The following CGGBP1 variants were observed in gnomAD, a reference collection of about 807,000 sequenced individuals.
CGGBP1 encodes CGG triplet repeat binding protein 1, also known as CGG triplet repeat-binding protein 1.
CGGBP1 carries 4 observed loss-of-function variants against 11.4 expected under a neutral mutation model. That is an observed-to-expected ratio of 0.35 (90% confidence interval 0.17 to 0.80). The LOEUF is 0.80. CGGBP1 is among the 30% of genes least tolerant of loss of function. CGGBP1 has a pLI of 0.52. For missense variants in CGGBP1, 135 were observed against 202.1 expected (o/e 0.67, Z 2.01); for synonymous variants, 76 against 74.1 (o/e 1.03, Z -0.13).
intron 2 of CGGBP1, among the ~76,000 whole-genome samples, chr3:88,081,728 A>C (rs971786997): frequency 1.3e-5 from 2 of 152,174 alleles, no homozygotes; most frequent in South Asian, 2.1e-4. Context: ...CTGGCACCAC[A>C]ACAAGTTCCA....
intron 2 of CGGBP1, chr3:88,086,427 A>C: frequency 6.9e-7 from 1 of 1,451,824 alleles, no homozygotes; most frequent in Non-Finnish European, 9.1e-7. Flanking sequence ...CTTCTTATAA[A>C]TGCATTATTT....
At chr3:88,140,058 G>C in intron 2 of CGGBP1, 1 of 1,613,750 alleles carries the variant, frequency 6.2e-7, no homozygotes, top group Non-Finnish European at 8.5e-7. Flanking sequence ...AAGGCAATTT[G>C]AAGATTCTCA....
At chr3:88,134,112 A>AAG (rs1310207348) in intron 2 of CGGBP1, among the ~76,000 whole-genome samples, 5 of 151,796 alleles carry the variant, frequency 3.3e-5, no homozygotes, top group Non-Finnish European at 4.4e-5. Context: ...TTAAAAAAAA[A>AAG]AAAGGTGGGG....
intron 2 of CGGBP1, chr3:88,129,565 A>T: frequency 1.3e-6 from 1 of 760,506 alleles, no homozygotes; most frequent in Non-Finnish European, 2.0e-6. Context: ...ACAAGTCATC[A>T]TTGTCTTTGT....
intron 2 of CGGBP1, chr3:88,129,938 A>G (rs1352366129): frequency 3.0e-6 from 3 of 1,014,134 alleles, no homozygotes; most frequent in Non-Finnish European, 2.6e-6. Context: ...ACTTTTAAAA[A>G]AAAATTGATT....
At chr3:88,109,773 T>C (rs1057265355) in intron 2 of CGGBP1, among the ~76,000 whole-genome samples, 20 of 152,164 alleles carry the variant, frequency 1.3e-4, no homozygotes, top group Non-Finnish European at 2.4e-4. Flanking sequence ...AAAATTTTTT[T>C]ATAAATGTAT....
intron 2 of CGGBP1, among the ~76,000 whole-genome samples, chr3:88,086,006 T>C (rs191458329): frequency 1.1e-3 from 172 of 152,310 alleles, no homozygotes; most frequent in African/African-American, 3.7e-3. Context: ...TTAACAAAAT[T>C]TGGTAAAACA....
intron 2 of CGGBP1, among the ~76,000 whole-genome samples, chr3:88,065,438 C>T (rs1707142369): frequency 6.6e-6 from 1 of 151,998 alleles, no homozygotes; most frequent in African/African-American, 2.4e-5. Flanking sequence ...TCCTATGTCC[C>T]TTTTCCCTAA....
In CGGBP1 at chr3:88,090,404, T is replaced by A. The variant is rs535845072; in HGVS notation, c.-228-32181A>T. 3.3e-5 allele frequency among the ~76,000 whole-genome samples: 5 copies of A among 152,040 alleles called. No homozygotes were observed. In the South Asian group the frequency reaches 8.3e-4, roughly 25 times the overall value. On this transcript the variant is annotated intron_variant, in intron 2 of 3. Transcript: ENST00000462901. ...AATGTAAAATACAAAAATGAAAAAA[T>A]TTTTAAAAATGGAAAAAATTTAAAG... is the stretch of plus-strand genomic sequence containing the variant.
chr3:88,143,053 A>T (rs1470244355), intron 1 of CGGBP1: 2 of 152,286 alleles, frequency 1.3e-5, no homozygotes, highest in African/African-American at 4.8e-5. Context: ...CTAATGTCCC[A>T]ATGTCAAATA....
At chr3:88,064,969 A>G (rs1365696985) in intron 2 of CGGBP1, among the ~76,000 whole-genome samples, 1 of 152,258 alleles carries the variant, frequency 6.6e-6, no homozygotes, top group Non-Finnish European at 1.5e-5. Context: ...TGTGGTGAAT[A>G]TCCAGAGCTA....
chr3:88,097,433 G>A (rs4402954), intron 2 of CGGBP1, among the ~76,000 whole-genome samples: 118,882 of 151,664 alleles, frequency 0.78, 47,498 homozygotes, highest in South Asian at 0.91. Context: ...TGAGACAGAA[G>A]GTTAACAAGG....
Position 88,053,143 on chromosome 3 carries a change from C to A in CGGBP1, c.*2330G>T, listed in dbSNP as rs11128020. The A allele has an allele frequency of 0.057, 8,698 of 152,414 alleles. 277 individuals carry two copies. The highest frequency in any genetic ancestry group is 0.078 in the Admixed American group (1,200 of 15,294). The allele number at this position is 152,414 out of a possible 1,614,324, so 9.4% of individuals were successfully genotyped here. A position where few individuals can be genotyped will look rare whatever the true frequency, so the allele number is the denominator to read the frequency against. On this transcript the variant is annotated 3_prime_UTR_variant, in exon 4 of 4. Transcript: ENST00000482016. ...CACTACACCTCCAAAGCAGCATATG[C>A]CTCTTAGACATCCTCATTTGTTATC... is the stretch of plus-strand genomic sequence containing the variant.
At chr3:88,128,880 C>T (rs1199570996) in intron 2 of CGGBP1, 38 of 1,535,298 alleles carry the variant, frequency 2.5e-5, no homozygotes, top group Non-Finnish European at 3.3e-5. Flanking sequence ...TGCTTGTGAA[C>T]GCATACCCGA....
chr3:88,073,802 A>C (rs1386262144), intron 2 of CGGBP1, among the ~76,000 whole-genome samples: 2 of 152,216 alleles, frequency 1.3e-5, no homozygotes, highest in Non-Finnish European at 2.9e-5. Context: ...TACAATGTAC[A>C]TTTTTATTAA....
chr3:88,118,601 T>C (rs914621928), intron 2 of CGGBP1, among the ~76,000 whole-genome samples: 1 of 152,170 alleles, frequency 6.6e-6, no homozygotes, highest in African/African-American at 2.4e-5. Flanking sequence ...CTAGAGTACT[T>C]GGAATAAGTT....
At chr3:88,139,904 C>CT (rs1707015196) in intron 2 of CGGBP1, 1 of 1,613,166 alleles carries the variant, frequency 6.2e-7, no homozygotes, top group African/African-American at 1.3e-5. Context: ...AAGAAGGAAA[C>CT]TTTAAGTGTC....
rs145805553 is a variant in CGGBP1 at position 88,071,247 on chromosome 3, C to T, written c.-228-13024G>A. Among the ~76,000 whole-genome samples, 492 of 152,236 alleles carry T rather than the reference C, an allele frequency of 3.2e-3. 4 individuals are homozygous for T. Among genetic ancestry groups the T allele is most frequent in the African/African-American group, 0.011 (460 of 41,538 alleles). On this transcript the variant is annotated intron_variant, in intron 2 of 3. Transcript: ENST00000462901. ...GTATTGGGCCAGTAGTGGTGGCTCG[C>T]GGCTGTAATCCCAGCACTTTGGGAG...
chr3:88,146,159 G>T (rs1707309031), intron 1 of CGGBP1, among the ~76,000 whole-genome samples: 3 of 152,150 alleles, frequency 2.0e-5, no homozygotes, highest in Non-Finnish European at 4.4e-5. Flanking sequence ...CTGGAAATTT[G>T]TTAGAAATGC....
Sources: allele counts gnomAD v4.1 joint callset (sites outside exome capture counted in the v4.1 genomes callset), GRCh38; gene constraint gnomAD v4.1.1; transcripts MANE v1.5; gene names NCBI Gene and HGNC (gene_info 2026-07-23, HGNC 2026-07-21).